The following TRPM8 variants were observed in gnomAD, a reference collection of about 807,000 sequenced individuals.
TRPM8 encodes the protein TRPM8 cationic channel.
TRPM8 carries 110 observed loss-of-function variants against 133.7 expected under a neutral mutation model. That is an observed-to-expected ratio of 0.82 (90% CI 0.70 to 0.96). The LOEUF (loss-of-function observed/expected upper bound fraction) is 0.96. Ranked by LOEUF, TRPM8 falls within the 40% of genes least tolerant of loss-of-function variation. The pLI, the probability that TRPM8 is intolerant of heterozygous loss-of-function variation, is 0.00. For missense variants in TRPM8, 1,291 were observed against 1,379.5 expected (o/e 0.94, Z 1.02); for synonymous variants, 535 against 532.3 (o/e 1.01, Z -0.07).
chr2:233,946,193 C>T, intron 7 of TRPM8, 163 bp downstream of exon 7: 3 of 688,794 alleles, frequency 4.4e-6, no homozygotes, highest in Non-Finnish European at 7.1e-6. Context: ...TCCAACACAT[C>T]AGGAATGCTT....
intron 6 of TRPM8, among the ~76,000 whole-genome samples, chr2:233,944,393 C>G (rs1264075440): frequency 1.3e-5 from 2 of 152,162 alleles, no homozygotes; most frequent in African/African-American, 4.8e-5. Flanking sequence ...TATGTTAATT[C>G]ACAGACTCAC....
At chr2:233,935,286 G>A (rs1006458409) in intron 3 of TRPM8, among the ~76,000 whole-genome samples, 1 of 152,200 alleles carries the variant, frequency 6.6e-6, no homozygotes, top group Admixed American at 6.5e-5. Context: ...CTGTGCAGGG[G>A]ATCCTTGCTC....
chr2:233,956,775 T>C (rs1352935918), intron 11 of TRPM8, among the ~76,000 whole-genome samples: 3 of 152,232 alleles, frequency 2.0e-5, no homozygotes, highest in African/African-American at 4.8e-5. Context: ...AAACATTATC[T>C]TGTGTGTGGT....
Position 233,947,270 on chromosome 2 carries a change from A to G in TRPM8, c.942+115A>G, listed in dbSNP as rs1691066774. On this transcript the variant is annotated intron_variant, in intron 8 of 25. Transcript: ENST00000324695. ...CCTAATTGATTTTACTGCAGCAAGT[A>G]GGTAGTGTTTTCCCTCCACATACTG... 10 of 1,557,540 alleles carry G rather than the reference A, an allele frequency of 6.4e-6. No homozygotes were observed. The South Asian group carries it at 8.2e-5, about 13-fold the overall frequency.
chr2:233,929,262 C>A (rs1691635931), intron 2 of TRPM8, among the ~76,000 whole-genome samples: 1 of 152,134 alleles, frequency 6.6e-6, no homozygotes. Flanking sequence ...ATCCCTCTTT[C>A]ATGGGGTCTG....
intron 6 of TRPM8, among the ~76,000 whole-genome samples, chr2:233,945,213 T>A (rs1226994508): frequency 2.0e-5 from 3 of 152,222 alleles, no homozygotes; most frequent in African/African-American, 7.2e-5. Flanking sequence ...TAAATGCCTT[T>A]GAATGGAGCT....
At position 233,947,358 on chromosome 2, in the gene TRPM8, A is replaced by G. The variant is rs549340019; in HGVS notation, c.942+203A>G. ...GATTTGGGAGGAGAATTTCAGTGAC[A>G]TGAATAACCTGTGTACTTAGTGTTG... On this transcript the variant is annotated intron_variant, in intron 8 of 25. Coordinates refer to ENST00000324695, the MANE Select transcript of TRPM8 (RefSeq NM_024080.5). 7.2e-5 allele frequency: 110 copies of G among 1,534,420 alleles called. No homozygotes were observed. In the African/African-American group the frequency reaches 1.4e-3, roughly 19 times the overall value.
intron 22 of TRPM8, among the ~76,000 whole-genome samples, chr2:234,000,117 T>TTATG: frequency 6.6e-6 from 1 of 151,534 alleles, no homozygotes; most frequent in African/African-American, 2.4e-5. Flanking sequence ...ATTTATTTAT[T>TTATG]TATTTATTTT....
intron 21 of TRPM8, among the ~76,000 whole-genome samples, chr2:233,988,998 A>T (rs1298847197): frequency 1.3e-5 from 2 of 152,210 alleles, no homozygotes; most frequent in Non-Finnish European, 2.9e-5. Context: ...GTCCTGTAAG[A>T]ACTCACCACT....
chr2:233,963,414 A>T, intron 13 of TRPM8, 37 bp downstream of exon 13: 1 of 1,319,874 alleles, frequency 7.6e-7, no homozygotes, highest in Non-Finnish European at 1.1e-6. Context: ...TACACCAAAT[A>T]TATGCTTTGT....
rs1693038934 is a variant in TRPM8, at chr2:234,019,439, G to A, written c.*2183G>A. On this transcript the variant is annotated 3_prime_UTR_variant, in exon 26 of 26. Coordinates refer to ENST00000324695, the MANE Select transcript of TRPM8 (RefSeq NM_024080.5). ...TGTCCTTGTGTATGGTACTAAATGT[G>A]TCCTGTGTACTTTTGCACAACTGAG... The A allele has an allele frequency of 6.6e-6, 1 of 152,170 alleles. No individual in the cohort carries two copies. The allele number at this position is 152,170 out of a possible 1,614,324, so 9.4% of individuals were successfully genotyped here. A position where few individuals can be genotyped will look rare whatever the true frequency, so the allele number is the denominator to read the frequency against.
In TRPM8 at chr2:233,964,765, C is replaced by T; in HGVS notation, c.1879+8C>T. On this transcript the variant is annotated splice_region_variant and intron_variant, in intron 14 of 25. Coordinates refer to ENST00000324695, the MANE Select transcript of TRPM8 (RefSeq NM_024080.5). ...ACGAGACCCGGGCTGTTGGTGAGTC[C>T]ACAGTGTGGAATGCTGTGGTGGGCG... 1 of 1,607,940 alleles carries T rather than the reference C, an allele frequency of 6.2e-7. No individual in the cohort carries two copies. Among genetic ancestry groups the T allele is most frequent in the Non-Finnish European group, 8.5e-7 (1 of 1,175,776 alleles).
At chr2:233,988,155 T>C (rs931224026) in intron 21 of TRPM8, among the ~76,000 whole-genome samples, 1 of 152,110 alleles carries the variant, frequency 6.6e-6, no homozygotes, top group Non-Finnish European at 1.5e-5. Flanking sequence ...CTGCTCTCTG[T>C]CCCCCGGCAG....
At chr2:233,977,441 C>T (rs767542583) in intron 17 of TRPM8, among the ~76,000 whole-genome samples, 2 of 152,214 alleles carry the variant, frequency 1.3e-5, no homozygotes, top group African/African-American at 4.8e-5. Flanking sequence ...TTTCCGACGT[C>T]GCTCTTCATG....
At chr2:233,995,657 A>G (rs544352922) in intron 21 of TRPM8, among the ~76,000 whole-genome samples, 2 of 152,290 alleles carry the variant, frequency 1.3e-5, no homozygotes, top group Non-Finnish European at 2.9e-5. Context: ...TGGCTGCATA[A>G]TGTAATCATA....
At chr2:233,925,465 A>T (rs1274202431) in intron 1 of TRPM8, among the ~76,000 whole-genome samples, 1 of 152,194 alleles carries the variant, frequency 6.6e-6, no homozygotes, top group Non-Finnish European at 1.5e-5. Context: ...AGCCTGGAGG[A>T]TGAGCAGGAG....
chr2:233,952,316 A>T (rs978660711), intron 9 of TRPM8, among the ~76,000 whole-genome samples: 1 of 152,176 alleles, frequency 6.6e-6, no homozygotes, highest in East Asian at 1.9e-4. Flanking sequence ...TTGCAAGTCG[A>T]AATGGGTGTT....
intron 22 of TRPM8, among the ~76,000 whole-genome samples, chr2:234,001,155 G>A (rs6746331): frequency 0.22 from 32,886 of 151,976 alleles, 3,684 homozygotes; most frequent in Middle Eastern, 0.3. Flanking sequence ...TTTTCCCCTA[G>A]GTATAAGGAG....
chr2:234,006,707 A>G (rs1692701900), intron 22 of TRPM8, 146 bp from the exon 23 acceptor site: 2 of 569,902 alleles, frequency 3.5e-6, no homozygotes, highest in Non-Finnish European at 6.3e-6. Context: ...TGCTGTCACT[A>G]GGAAGTAACA....
Sources: gnomAD v4.1 joint callset for allele counts (sites outside exome capture counted in the v4.1 genomes callset) on GRCh38, gnomAD v4.1.1 for gene constraint, MANE v1.5 for transcripts, NCBI Gene and HGNC (gene_info 2026-07-23, HGNC 2026-07-21) for gene names.